The following HOOK3 variants were observed in gnomAD, a reference collection of about 807,000 sequenced individuals.
The protein encoded by HOOK3 is protein Hook homolog 3.
HOOK3 carries 24 observed loss-of-function variants against 116.3 expected under a neutral mutation model. The observed-to-expected ratio is 0.21, with a 90% CI of 0.15 to 0.29. The LOEUF (loss-of-function observed/expected upper bound fraction) is 0.29, where lower values mean the gene tolerates loss of function less well. HOOK3 is among the 10% of genes least tolerant of loss of function. The pLI is 1.00. For synonymous variants in HOOK3, 275 were observed against 283.0 expected, an observed-to-expected ratio of 0.97 and a Z score of 0.28; for missense variants, 632 against 830.2, an observed-to-expected ratio of 0.76 and a Z score of 2.93.
At chr8:42,929,963 TTGA>T (rs901394813) in intron 3 of HOOK3, among the ~76,000 whole-genome samples, 156 bp from the exon 4 acceptor site, 12 of 152,166 alleles carry the variant, frequency 7.9e-5, no homozygotes, top group Admixed American at 6.5e-5. Flanking sequence ...GTAGTACTTT[TTGA>T]TGATGATGAT....
At chr8:42,908,425 G>C (rs1807357605) in intron 2 of HOOK3, among the ~76,000 whole-genome samples, 1 of 152,220 alleles carries the variant, frequency 6.6e-6, no homozygotes, top group African/African-American at 2.4e-5. Flanking sequence ...TTGCAAAGCT[G>C]TGGTAATTAA....
Position 43,025,939 on chromosome 8 carries a change from T to A in HOOK3, c.*7441T>A. On this transcript the variant is annotated 3_prime_UTR_variant, in exon 22 of 22. Coordinates refer to ENST00000307602, the MANE Select transcript of HOOK3 (RefSeq NM_032410.4). The stretch of plus-strand genomic sequence containing the variant: ...GGTGAAATCAGAGGTGTCCACGGCC[T>A]CAAAGTTTGGGCCCATGGGACTATC... 1 of 209,128 alleles carries A rather than the reference T, an allele frequency of 4.8e-6. No individual in the cohort carries two copies. Among genetic ancestry groups the A allele is most frequent in the African/African-American group, 2.3e-5 (1 of 44,096 alleles). The allele number at this position is 209,128 out of a possible 1,614,324, so 13.0% of individuals were successfully genotyped here.
chr8:43,008,065 C>A, intron 18 of HOOK3, 136 bp downstream of exon 18: 1 of 367,208 alleles, frequency 2.7e-6, no homozygotes, highest in Non-Finnish European at 4.7e-6. Flanking sequence ...CTCACCCAGG[C>A]TGGAGTGCAG....
rs1342004756 is a variant in HOOK3 at position 43,027,453 on chromosome 8, A to T, written c.*8955A>T. Reference sequence around the variant, plus strand: ...GATGAGAGACATGCTTTTAAAGTACAAAACGTTTCTCTTCTACCTTACCCC... The same window carrying T: ...GATGAGAGACATGCTTTTAAAGTACTAAACGTTTCTCTTCTACCTTACCCC... On this transcript the variant is annotated 3_prime_UTR_variant, in exon 22 of 22. Transcript: ENST00000307602. 6 of 479,044 alleles carry T rather than the reference A, an allele frequency of 1.3e-5. No homozygotes were observed. The Admixed American group carries it at 1.5e-4, about 12-fold the overall frequency. 29.7% of individuals were successfully genotyped at this position (479,044 alleles called of 1,614,324 possible). A position where few individuals can be genotyped will look rare whatever the true frequency, so the allele number is the denominator to read the frequency against.
At chr8:42,968,831 C>T (rs1808677814) in intron 11 of HOOK3, among the ~76,000 whole-genome samples, 1 of 152,174 alleles carries the variant, frequency 6.6e-6, no homozygotes, top group Admixed American at 6.5e-5. Flanking sequence ...CTCCTCGTTA[C>T]AGGCAGCCTC....
chr8:43,003,926 C>G (rs947001072), intron 17 of HOOK3, among the ~76,000 whole-genome samples: 1 of 152,204 alleles, frequency 6.6e-6, no homozygotes, highest in South Asian at 2.1e-4. Flanking sequence ...ATCTTAGCTA[C>G]TTACACCTGT....
rs545091871 is a variant in HOOK3, at chr8:42,905,813, C to G, written c.58-360C>G. Among the ~76,000 whole-genome samples the G allele has an allele frequency of 2.7e-5, 4 of 150,576 alleles. No individual in the cohort carries two copies. The South Asian group carries it at 8.4e-4, about 32-fold the overall frequency. Reference sequence around the variant, plus strand: ...AGCCTAAGAAATTTTCAGCCAGGTGCGGTGGCTCACACCTGTAATCCCAGC... The same window carrying G: ...AGCCTAAGAAATTTTCAGCCAGGTGGGGTGGCTCACACCTGTAATCCCAGC... On this transcript the variant is annotated intron_variant, in intron 1 of 21. Transcript: ENST00000307602.
At chr8:42,933,555 G>T (rs1182319493) in intron 4 of HOOK3, among the ~76,000 whole-genome samples, 2 of 152,126 alleles carry the variant, frequency 1.3e-5, no homozygotes, top group East Asian at 3.9e-4. Context: ...CCTCCTTCTG[G>T]GAATTCCTTT....
intron 2 of HOOK3, among the ~76,000 whole-genome samples, chr8:42,924,306 G>A (rs577566646): frequency 6.6e-6 from 1 of 151,552 alleles, no homozygotes; most frequent in Admixed American, 6.6e-5. Context: ...GAAAAGTTTT[G>A]TCCTCCCTCC....
intron 17 of HOOK3, among the ~76,000 whole-genome samples, chr8:43,006,811 C>CT (rs543311279): frequency 6.6e-6 from 1 of 151,638 alleles, no homozygotes; most frequent in Non-Finnish European, 1.5e-5. Context: ...ACGTAAAGTG[C>CT]TTTTTTTTAA....
chr8:42,971,321 C>T (rs887405395), intron 11 of HOOK3, among the ~76,000 whole-genome samples: 2 of 152,186 alleles, frequency 1.3e-5, no homozygotes, highest in Admixed American at 6.5e-5. Context: ...GGCTAGAGTG[C>T]AGTGGTGCGA....
intron 13 of HOOK3, 44 bp from the exon 14 acceptor site, chr8:42,982,583 C>G: frequency 7.4e-7 from 1 of 1,342,712 alleles, no homozygotes; most frequent in Non-Finnish European, 1.1e-6. Flanking sequence ...AGTTGTGTAA[C>G]TGTGTTTTCC....
intron 17 of HOOK3, among the ~76,000 whole-genome samples, chr8:43,002,845 ATCT>A (rs1809405961): frequency 6.6e-6 from 1 of 152,156 alleles, no homozygotes. Flanking sequence ...ACCCAGTCTA[ATCT>A]TCTTTCTTAA....
intron 13 of HOOK3, among the ~76,000 whole-genome samples, chr8:42,976,946 C>G (rs1318928356): frequency 6.6e-6 from 1 of 152,132 alleles, no homozygotes; most frequent in Non-Finnish European, 1.5e-5. Context: ...GATGCAGATT[C>G]CCAGGTCCAC....
At chr8:43,012,341 G>C (rs1306122038) in intron 19 of HOOK3, among the ~76,000 whole-genome samples, 1 of 152,124 alleles carries the variant, frequency 6.6e-6, no homozygotes, top group Non-Finnish European at 1.5e-5. Context: ...AATAGTATAA[G>C]GAAATAGTTA....
At chr8:42,966,744 C>T in intron 10 of HOOK3, 131 bp downstream of exon 10, 1 of 823,976 alleles carries the variant, frequency 1.2e-6, no homozygotes, top group South Asian at 1.9e-5. Context: ...CTTATGCAAC[C>T]TCTGTATGGC....
chr8:42,927,458 G>T (rs1052681859), intron 3 of HOOK3, among the ~76,000 whole-genome samples: 3 of 152,010 alleles, frequency 2.0e-5, no homozygotes, highest in Non-Finnish European at 4.4e-5. Context: ...GTTTCGTCAT[G>T]TTGGCTAGGC....
Position 43,019,711 on chromosome 8 carries a change from G to A in HOOK3, c.*1213G>A. On this transcript the variant is annotated 3_prime_UTR_variant, in exon 22 of 22. Transcript: ENST00000307602. ...TTGAATAATCATTGTAAAGCACTTTGTATATATAAGGTGCTATATAAGTGT... is the reference window on the plus strand; with the variant it reads ...TTGAATAATCATTGTAAAGCACTTTATATATATAAGGTGCTATATAAGTGT... 1 of 204,412 alleles carries A rather than the reference G, an allele frequency of 4.9e-6. No homozygotes were observed. Among genetic ancestry groups the A allele is most frequent in the Non-Finnish European group, 1.0e-5 (1 of 100,034 alleles). The allele number at this position is 204,412 out of a possible 1,614,324, so 12.7% of individuals were successfully genotyped here. A position where few individuals can be genotyped will look rare whatever the true frequency, so the allele number is the denominator to read the frequency against.
At chr8:42,918,135 C>T (rs796946149) in intron 2 of HOOK3, among the ~76,000 whole-genome samples, 1 of 152,124 alleles carries the variant, frequency 6.6e-6, no homozygotes, top group Admixed American at 6.5e-5. Flanking sequence ...GTTAGGAGTT[C>T]GAGACCAGCC....
Sources: gnomAD v4.1 joint callset for allele counts (sites outside exome capture counted in the v4.1 genomes callset) on GRCh38, gnomAD v4.1.1 for gene constraint, MANE v1.5 for transcripts, NCBI Gene and HGNC (gene_info 2026-07-23, HGNC 2026-07-21) for gene names.